GRXCR1: variants seen among roughly 807,000 people sequenced by gnomAD.
GRXCR1 encodes glutaredoxin domain-containing cysteine-rich protein 1.
In GRXCR1, 27 loss-of-function variants were observed where a neutral mutation model predicts 27.3. The observed-to-expected ratio is 0.99, with a 90% CI of 0.73 to 1.37. GRXCR1 has a LOEUF of 1.37. Among genes scored for constraint, GRXCR1 ranks in the 40% most tolerant of loss-of-function variants. The probability of loss-of-function intolerance (pLI) is 0.00; values close to 1 mark genes in which losing one functional copy is unlikely to be tolerated. For synonymous variants in GRXCR1, 122 were observed against 131.1 expected (o/e 0.93, Z 0.47); for missense variants, 379 against 354.4 (o/e 1.07, Z -0.56).
At chr4:43,011,672 G>A (rs180918062) in intron 2 of GRXCR1, among the ~76,000 whole-genome samples, 2 of 152,000 alleles carry the variant, frequency 1.3e-5, no homozygotes, top group South Asian at 2.1e-4. Context: ...AAGATAAACC[G>A]GGTTATCATC....
At chr4:42,960,762 G>A (rs1414623571) in intron 1 of GRXCR1, among the ~76,000 whole-genome samples, 2 of 151,602 alleles carry the variant, frequency 1.3e-5, no homozygotes, top group Admixed American at 6.6e-5. Context: ...TAGTTCATTA[G>A]CTTCCCAAAG....
chr4:42,982,202 C>T (rs1449477870), intron 2 of GRXCR1, among the ~76,000 whole-genome samples: 1 of 141,734 alleles, frequency 7.1e-6, no homozygotes, highest in East Asian at 2.4e-4. Context: ...CTATCCCTCC[C>T]CCCTCCCCCT....
intron 2 of GRXCR1, among the ~76,000 whole-genome samples, chr4:43,014,302 G>A (rs1024670042): frequency 2.0e-5 from 3 of 152,076 alleles, no homozygotes; most frequent in African/African-American, 4.8e-5. Flanking sequence ...GCTGATTTCT[G>A]AAATAAATTC....
intron 2 of GRXCR1, among the ~76,000 whole-genome samples, chr4:42,992,765 G>T (rs1712017319): frequency 6.6e-6 from 1 of 152,074 alleles, no homozygotes; most frequent in African/African-American, 2.4e-5. Context: ...GATTGTGAGT[G>T]ATGATAAAAT....
At chr4:42,925,367 T>TAAA (rs1428603842) in intron 1 of GRXCR1, among the ~76,000 whole-genome samples, 3 of 151,994 alleles carry the variant, frequency 2.0e-5, no homozygotes, top group African/African-American at 7.2e-5. Flanking sequence ...TCAAGGAATG[T>TAAA]AAAAAACTTG....
chr4:42,981,185 CT>C (rs1183898472), intron 2 of GRXCR1, among the ~76,000 whole-genome samples: 2 of 128,514 alleles, frequency 1.6e-5, no homozygotes, highest in Non-Finnish European at 3.4e-5. Context: ...CTTTCTTTTT[CT>C]TTTTGCTTTT....
chr4:42,914,712 CCCCACCCAACT>C lies in GRXCR1; in HGVS notation c.384+21069_384+21079del, dbSNP rs567732647. Among the ~76,000 whole-genome samples the C allele has an allele frequency of 7.9e-5, 12 of 152,130 alleles. No individual in the cohort carries two copies. The East Asian group carries it at 2.3e-3, about 30-fold the overall frequency. On this transcript the variant is annotated intron_variant, in intron 1 of 3. Transcript: ENST00000399770. ...GTAATGATATGGCTTGGGTCTTTGT[CCCCACCCAACT>C]CCCACCTTGAATTGTAATAATCCCC...
At chr4:43,028,690 T>C (rs545998142) in intron 3 of GRXCR1, among the ~76,000 whole-genome samples, 7 of 152,374 alleles carry the variant, frequency 4.6e-5, no homozygotes, top group South Asian at 4.1e-4. Context: ...TTTTCCATCA[T>C]TGGGTTTGTT....
chr4:42,983,061 T>G (rs918728608), intron 2 of GRXCR1, among the ~76,000 whole-genome samples: 3 of 151,886 alleles, frequency 2.0e-5, no homozygotes, highest in Non-Finnish European at 2.9e-5. Flanking sequence ...TTAGTTTAAT[T>G]AGATCCCATT....
chr4:42,944,333 A>AAAAAG (rs1313695322), intron 1 of GRXCR1, among the ~76,000 whole-genome samples: 1 of 152,110 alleles, frequency 6.6e-6, no homozygotes, highest in Non-Finnish European at 1.5e-5. Flanking sequence ...CAAGCGAGAA[A>AAAAAG]AAAAGAAAAG....
intron 1 of GRXCR1, among the ~76,000 whole-genome samples, chr4:42,914,187 T>C (rs749037378): frequency 9.9e-5 from 15 of 152,112 alleles, no homozygotes; most frequent in Non-Finnish European, 1.9e-4. Context: ...CTCCAATCCC[T>C]AGAGTGATAG....
intron 3 of GRXCR1, among the ~76,000 whole-genome samples, chr4:43,021,402 T>C (rs1265599320): frequency 1.3e-5 from 2 of 152,182 alleles, no homozygotes; most frequent in African/African-American, 4.8e-5. Flanking sequence ...TATAAAAGTC[T>C]TTTTTGTATT....
At chr4:42,953,160 C>G (rs1324877492) in intron 1 of GRXCR1, among the ~76,000 whole-genome samples, 1 of 152,122 alleles carries the variant, frequency 6.6e-6, no homozygotes, top group African/African-American at 2.4e-5. Context: ...CTTTCCCCCA[C>G]CAAAAACAAT....
intron 1 of GRXCR1, among the ~76,000 whole-genome samples, chr4:42,894,206 G>A (rs925388769): frequency 9.9e-5 from 15 of 151,948 alleles, no homozygotes; most frequent in Non-Finnish European, 1.8e-4. Context: ...AAAAATTCTA[G>A]GATGATGCTT....
intron 1 of GRXCR1, among the ~76,000 whole-genome samples, chr4:42,936,574 A>G (rs1351584482): frequency 6.6e-6 from 1 of 151,916 alleles, no homozygotes; most frequent in East Asian, 1.9e-4. Flanking sequence ...TTAATGAACC[A>G]ATACTGATAA....
At chr4:42,978,372 A>G (rs942411156) in intron 2 of GRXCR1, among the ~76,000 whole-genome samples, 3 of 151,980 alleles carry the variant, frequency 2.0e-5, no homozygotes, top group Admixed American at 6.6e-5. Context: ...ATAGACAGTG[A>G]ATTTAATTTG....
intron 1 of GRXCR1, among the ~76,000 whole-genome samples, chr4:42,930,833 T>TGGGA (rs1560653418): frequency 6.6e-5 from 10 of 152,118 alleles, no homozygotes; most frequent in Admixed American, 1.3e-4. Flanking sequence ...TGTTAATTCC[T>TGGGA]TCCTTCCCAT....
chr4:42,905,390 A>G (rs534678770), intron 1 of GRXCR1, among the ~76,000 whole-genome samples: 3 of 152,236 alleles, frequency 2.0e-5, no homozygotes, highest in East Asian at 3.9e-4. Context: ...GATTTTTAAT[A>G]CCTTTCCATG....
chr4:43,025,792 C>A (rs1275210013), intron 3 of GRXCR1, among the ~76,000 whole-genome samples: 1 of 152,004 alleles, frequency 6.6e-6, no homozygotes, highest in South Asian at 2.1e-4. Context: ...CTGGCTAACA[C>A]GGTGAAACCC....
Sources: gnomAD v4.1 joint callset for allele counts (sites outside exome capture counted in the v4.1 genomes callset) on GRCh38, gnomAD v4.1.1 for gene constraint, MANE v1.5 for transcripts, NCBI Gene and HGNC (gene_info 2026-07-23, HGNC 2026-07-21) for gene names.